RIN2: variants seen among roughly 807,000 people sequenced by gnomAD.
RIN2 encodes Ras and Rab interactor 2, also known as RAB5 interacting protein 2.
In RIN2, 36 loss-of-function variants were observed where a neutral mutation model predicts 78.0. The observed-to-expected ratio is 0.46, with a 90% CI of 0.35 to 0.61. The LOEUF (loss-of-function observed/expected upper bound fraction) is 0.61. Ranked by LOEUF, RIN2 falls within the 20% of genes least tolerant of loss-of-function variation. RIN2 has a pLI of 0.00. For missense variants in RIN2, 1,087 were observed against 1,159.7 expected, an observed-to-expected ratio of 0.94 and a Z score of 0.91; for synonymous variants, 466 against 466.8, an observed-to-expected ratio of 1.00 and a Z score of 0.02.
chr20:19,938,505 GTGAGCCACTGCGCCTGGC>G (rs1275782218), intron 4 of RIN2, among the ~76,000 whole-genome samples: 3 of 151,996 alleles, frequency 2.0e-5, no homozygotes, highest in African/African-American at 7.3e-5. Context: ...GATTACAAGT[GTGAGCCACTGCGCCTGGC>G]TGAGCCACTC....
intron 7 of RIN2, among the ~76,000 whole-genome samples, chr20:19,966,043 T>C (rs1002334915): frequency 2.2e-4 from 33 of 152,216 alleles, no homozygotes; most frequent in African/African-American, 7.7e-4. Context: ...TAATTAAGAA[T>C]CAAAATTCTT....
chr20:19,859,632 T>C (rs1410824904), intron 2 of RIN2, among the ~76,000 whole-genome samples: 1 of 152,208 alleles, frequency 6.6e-6, no homozygotes, highest in Non-Finnish European at 1.5e-5. Flanking sequence ...GTAGCTACCA[T>C]GTGCATGCTG....
chr20:19,777,318 C>G (rs2034345101), intron 1 of RIN2, among the ~76,000 whole-genome samples: 1 of 152,244 alleles, frequency 6.6e-6, no homozygotes, highest in African/African-American at 2.4e-5. Context: ...TCATCTGCCC[C>G]ACTGGGGCCT....
chr20:19,871,570 A>G (rs954649636), intron 2 of RIN2, among the ~76,000 whole-genome samples: 1 of 152,234 alleles, frequency 6.6e-6, no homozygotes, highest in African/African-American at 2.4e-5. Flanking sequence ...CAGACTGCCA[A>G]CTTAGGTCAC....
At chr20:19,961,537 G>T (rs2146261380) in intron 6 of RIN2, among the ~76,000 whole-genome samples, 1 of 152,206 alleles carries the variant, frequency 6.6e-6, no homozygotes, top group South Asian at 2.1e-4. Flanking sequence ...GGAGGAGAGA[G>T]CTCAGAAGCA....
At chr20:19,797,859 CT>C (rs750371451) in intron 1 of RIN2, among the ~76,000 whole-genome samples, 4,432 of 128,048 alleles carry the variant, frequency 0.035, 167 homozygotes, top group African/African-American at 0.12. Flanking sequence ...TCTACTTAAT[CT>C]TTTTTTTTTT....
At chr20:19,791,923 C>T (rs936811296) in intron 1 of RIN2, among the ~76,000 whole-genome samples, 5 of 152,138 alleles carry the variant, frequency 3.3e-5, no homozygotes, top group African/African-American at 1.2e-4. Context: ...TAGAATTACC[C>T]ATAATTATTA....
chr20:19,794,726 T>C (rs76649320), intron 1 of RIN2, among the ~76,000 whole-genome samples: 2,295 of 152,226 alleles, frequency 0.015, 38 homozygotes, highest in Non-Finnish European at 0.02. Context: ...GTTATTACCT[T>C]GTAGGTTTTA....
At chr20:19,935,266 G>T in intron 4 of RIN2, 67 bp downstream of exon 4, 1 of 1,416,886 alleles carries the variant, frequency 7.1e-7, no homozygotes, top group Non-Finnish European at 9.6e-7. Context: ...CACTGCCAAG[G>T]GCTGACTTGC....
At chr20:19,833,545 G>A (rs148461659) in intron 2 of RIN2, among the ~76,000 whole-genome samples, 74 of 152,318 alleles carry the variant, frequency 4.9e-4, no homozygotes, top group Non-Finnish European at 6.6e-4. Context: ...TGTTTACAAC[G>A]TGTTGAGCTC....
intron 3 of RIN2, among the ~76,000 whole-genome samples, chr20:19,928,116 T>C (rs1240218604): frequency 6.6e-6 from 1 of 152,352 alleles, no homozygotes; most frequent in East Asian, 1.9e-4. Flanking sequence ...TTGGCCAGGC[T>C]GGTTTCGAAC....
intron 9 of RIN2, among the ~76,000 whole-genome samples, chr20:19,985,801 G>A (rs762986312): frequency 2.0e-5 from 3 of 152,156 alleles, no homozygotes; most frequent in Non-Finnish European, 2.9e-5. Flanking sequence ...TGTTTTGCAC[G>A]CGTGCTTGTG....
chr20:19,873,085 CTT>C (rs1278313193), intron 2 of RIN2, among the ~76,000 whole-genome samples: 1 of 151,350 alleles, frequency 6.6e-6, no homozygotes, highest in Non-Finnish European at 1.5e-5. Context: ...ATATAACACA[CTT>C]TTTCTTTTTT....
At chr20:19,809,547 G>C (rs1432621073) in intron 2 of RIN2, 1 of 152,562 alleles carries the variant, frequency 6.6e-6, no homozygotes, top group Non-Finnish European at 1.5e-5. Context: ...AATGTCCTGA[G>C]GGGGAGACTG....
chr20:19,877,004 C>T (rs2037879640), intron 2 of RIN2, among the ~76,000 whole-genome samples: 1 of 152,106 alleles, frequency 6.6e-6, no homozygotes, highest in Admixed American at 6.5e-5. Context: ...TTGGATTAGG[C>T]CAGTCAGGAC....
chr20:19,924,802 C>T (rs549485536), intron 3 of RIN2, among the ~76,000 whole-genome samples: 7 of 98,314 alleles, frequency 7.1e-5, no homozygotes, highest in African/African-American at 3.0e-4. Flanking sequence ...TGCAGTGGTG[C>T]AATCTCGGCT....
At chr20:19,796,585 T>A (rs2035061192) in intron 1 of RIN2, among the ~76,000 whole-genome samples, 1 of 152,224 alleles carries the variant, frequency 6.6e-6, no homozygotes, top group Admixed American at 6.5e-5. Context: ...TTTATTACCA[T>A]GGATGGATGG....
chr20:19,970,715 G>C, intron 7 of RIN2, 123 bp from the exon 8 acceptor site: 1 of 750,148 alleles, frequency 1.3e-6, no homozygotes, highest in Middle Eastern at 2.6e-4. Context: ...TTGTCGATAT[G>C]GTATGGTGTC....
At chr20:19,996,196 C>A (rs970805518) in intron 11 of RIN2, among the ~76,000 whole-genome samples, 3 of 152,146 alleles carry the variant, frequency 2.0e-5, no homozygotes, top group Admixed American at 1.3e-4. Flanking sequence ...TGCCTTTAAT[C>A]CGAGCCACTC....
Sources: gnomAD v4.1 joint callset for allele counts (sites outside exome capture counted in the v4.1 genomes callset) on GRCh38, gnomAD v4.1.1 for gene constraint, MANE v1.5 for transcripts, NCBI Gene and HGNC (gene_info 2026-07-23, HGNC 2026-07-21) for gene names.